The following B4GALT5 variants were observed in gnomAD, a reference collection of about 807,000 sequenced individuals.
B4GALT5 encodes UDP-Gal:beta-GlcNAc beta-1,4-galactosyltransferase 5.
A neutral mutation model predicts 45.0 loss-of-function variants in B4GALT5; 11 were observed. That is an observed-to-expected ratio of 0.24 (90% CI 0.15 to 0.40). The LOEUF (loss-of-function observed/expected upper bound fraction) is 0.40, where lower values mean the gene tolerates loss of function less well. Among genes scored for constraint, B4GALT5 ranks in the 10% least tolerant of loss-of-function variants. B4GALT5 has a pLI of 1.00. For synonymous variants in B4GALT5, 185 were observed against 182.9 expected, an observed-to-expected ratio of 1.01 and a Z score of -0.09; for missense variants, 337 against 500.2, an observed-to-expected ratio of 0.67 and a Z score of 3.11.
Position 49,640,560 on chromosome 20 carries a change from T to C in B4GALT5, c.712A>G (p.Ile238Val), listed in dbSNP as rs2085572634. The change falls in exon 6 of 9, where the codon ATA becomes GTA. Residue 238 changes from isoleucine to valine, a missense_variant. This residue lies in a region of B4GALT5 where 163 missense variants were observed against 292.8 expected (regional missense o/e 0.56). Coordinates refer to ENST00000371711, the MANE Select transcript of B4GALT5 (RefSeq NM_004776.4). ...TAATAGTTGCGATCACTTTCCGGTA[T>C]GTGATCTACATCATGAAAAATCAAA... ...DCLIFHDVDH[I>V]PESDRNYYGC... is the part of the protein sequence containing the mutation. 2 of 1,613,994 alleles carry C rather than the reference T, an allele frequency of 1.2e-6. No homozygotes were observed. Among genetic ancestry groups the C allele is most frequent in the Non-Finnish European group, 1.7e-6 (2 of 1,179,976 alleles).
chr20:49,642,790 T>C (rs2085582457), intron 4 of B4GALT5, among the ~76,000 whole-genome samples: 1 of 152,224 alleles, frequency 6.6e-6, no homozygotes, highest in Admixed American at 6.5e-5. Context: ...CCATATCTTA[T>C]AGTACATAGT....
chr20:49,649,564 A>G (rs919815531), intron 2 of B4GALT5, among the ~76,000 whole-genome samples: 1 of 152,112 alleles, frequency 6.6e-6, no homozygotes, highest in Non-Finnish European at 1.5e-5. Context: ...TGGGTGACAG[A>G]ATGAGATCCT....
At chr20:49,650,566 G>GGCAGAGGT (rs969125556) in intron 2 of B4GALT5, among the ~76,000 whole-genome samples, 1 of 152,016 alleles carries the variant, frequency 6.6e-6, no homozygotes, top group Non-Finnish European at 1.5e-5. Flanking sequence ...GAACCCAGGA[G>GGCAGAGGT]GCAGAGGTTA....
chr20:49,693,517 C>A (rs2146355685), intron 1 of B4GALT5, among the ~76,000 whole-genome samples: 1 of 152,294 alleles, frequency 6.6e-6, no homozygotes, highest in Non-Finnish European at 1.5e-5. Context: ...TTGTCCTAAA[C>A]AACACAACAC....
At chr20:49,653,935 C>T (rs983010974) in intron 2 of B4GALT5, among the ~76,000 whole-genome samples, 2 of 152,190 alleles carry the variant, frequency 1.3e-5, no homozygotes, top group African/African-American at 2.4e-5. Context: ...CAGGAAGTAG[C>T]GCAATCCTGT....
chr20:49,710,924 GT>G (rs1568738244), intron 1 of B4GALT5, among the ~76,000 whole-genome samples: 1 of 151,848 alleles, frequency 6.6e-6, no homozygotes, highest in Admixed American at 6.6e-5. Context: ...ACAAAAAACT[GT>G]TTTAAAAGTT....
At chr20:49,665,290 G>A (rs985003635) in intron 1 of B4GALT5, among the ~76,000 whole-genome samples, 4 of 151,064 alleles carry the variant, frequency 2.6e-5, no homozygotes, top group Admixed American at 6.6e-5. Flanking sequence ...GCATGATGGC[G>A]TACTCCCAAG....
chr20:49,647,463 C>T (rs574500942), intron 2 of B4GALT5, among the ~76,000 whole-genome samples: 1 of 152,180 alleles, frequency 6.6e-6, no homozygotes, highest in East Asian at 1.9e-4. Context: ...TCAGCCTCTA[C>T]GGCTGGTCGT....
intron 2 of B4GALT5, among the ~76,000 whole-genome samples, chr20:49,651,614 T>C (rs1404698894): frequency 6.6e-6 from 1 of 150,556 alleles, no homozygotes; most frequent in Non-Finnish European, 1.5e-5. Context: ...GATAGATAGA[T>C]AGAAAATGGG....
intron 1 of B4GALT5, among the ~76,000 whole-genome samples, chr20:49,671,462 TG>T (rs1179316247): frequency 2.0e-5 from 3 of 152,184 alleles, no homozygotes; most frequent in Admixed American, 2.0e-4. Context: ...ATGAAGCTAT[TG>T]ATTCAAGACG....
At position 49,634,656 on chromosome 20, in the gene B4GALT5, G is replaced by A. The variant is rs1380378991; in HGVS notation, c.*1656C>T. 2.0e-5 allele frequency: 3 copies of A among 152,228 alleles called. No individual in the cohort carries two copies. The highest frequency in any genetic ancestry group is 4.4e-5 in the Non-Finnish European group (3 of 68,116). The allele number at this position is 152,228 out of a possible 1,614,324, so 9.4% of individuals were successfully genotyped here. A position where few individuals can be genotyped will look rare whatever the true frequency, so the allele number is the denominator to read the frequency against. ...AGGTGGGCGGATTGCTTGAGTCCAGGAGTTCGAGACCAGCCTGGGCAACAT... is the reference window on the plus strand; with the variant it reads ...AGGTGGGCGGATTGCTTGAGTCCAGAAGTTCGAGACCAGCCTGGGCAACAT... On this transcript the variant is annotated 3_prime_UTR_variant, in exon 9 of 9. Coordinates refer to ENST00000371711, the MANE Select transcript of B4GALT5 (RefSeq NM_004776.4).
At position 49,636,229 on chromosome 20, in the gene B4GALT5, T is replaced by C. The variant is rs994582550; in HGVS notation, c.*83A>G. 5 of 1,518,616 alleles carry C rather than the reference T, an allele frequency of 3.3e-6. No homozygotes were observed. In the African/African-American group the frequency reaches 6.9e-5, roughly 21 times the overall value. The allele number at this position is 1,518,616 out of a possible 1,614,324, so 94.1% of individuals were successfully genotyped here. ...ACAGTATTTCTGTTCTCTTGCTGTG[T>C]AGACCCTCCCCCCTCCAAAAAAAAA... On this transcript the variant is annotated 3_prime_UTR_variant, in exon 9 of 9. Coordinates refer to ENST00000371711, the MANE Select transcript of B4GALT5 (RefSeq NM_004776.4).
intron 1 of B4GALT5, among the ~76,000 whole-genome samples, chr20:49,681,180 G>A (rs2085762397): frequency 7.6e-6 from 1 of 131,536 alleles, no homozygotes; most frequent in African/African-American, 3.0e-5. Context: ...CACACCACTG[G>A]ACTCCAGCCT....
At chr20:49,665,443 A>G (rs6125707) in intron 1 of B4GALT5, among the ~76,000 whole-genome samples, 402 of 23,414 alleles carry the variant, frequency 0.017, no homozygotes, top group Middle Eastern at 0.038. Flanking sequence ...GGTAGTAGTA[A>G]TAATAATAAT....
intron 1 of B4GALT5, among the ~76,000 whole-genome samples, chr20:49,706,621 C>A (rs929083873): frequency 5.3e-5 from 8 of 152,146 alleles, no homozygotes; most frequent in African/African-American, 1.9e-4. Flanking sequence ...AACTCGTGTG[C>A]AAAGGCAAGC....
chr20:49,707,008 G>C (rs2085887057), intron 1 of B4GALT5, among the ~76,000 whole-genome samples: 1 of 152,148 alleles, frequency 6.6e-6, no homozygotes, highest in Admixed American at 6.6e-5. Context: ...CCTTCCTGGT[G>C]ATTATTATAC....
At chr20:49,688,486 G>A (rs1334118147) in intron 1 of B4GALT5, among the ~76,000 whole-genome samples, 2 of 152,138 alleles carry the variant, frequency 1.3e-5, no homozygotes, top group Non-Finnish European at 2.9e-5. Flanking sequence ...GCTGTGGTCA[G>A]CTCAGACAAG....
rs1161081334 is a variant in B4GALT5 at position 49,632,952 on chromosome 20, C to T, written c.*3360G>A. Reference sequence around the variant, plus strand: ...GAGAAATGACCACCAAGGTTTGGTTCTTGAATATGTATTTTTTACTGAAAA... The same window carrying T: ...GAGAAATGACCACCAAGGTTTGGTTTTTGAATATGTATTTTTTACTGAAAA... On this transcript the variant is annotated 3_prime_UTR_variant, in exon 9 of 9. Coordinates refer to ENST00000371711, the MANE Select transcript of B4GALT5 (RefSeq NM_004776.4). 1 of 152,422 alleles carries T rather than the reference C, an allele frequency of 6.6e-6. No individual in the cohort carries two copies. The highest frequency in any genetic ancestry group is 1.5e-5 in the Non-Finnish European group (1 of 68,028). The allele number at this position is 152,422 out of a possible 1,614,324, so 9.4% of individuals were successfully genotyped here. A position where few individuals can be genotyped will look rare whatever the true frequency, so the allele number is the denominator to read the frequency against.
intron 1 of B4GALT5, among the ~76,000 whole-genome samples, chr20:49,683,360 C>G (rs2085771854): frequency 6.8e-6 from 1 of 146,854 alleles, no homozygotes; most frequent in Admixed American, 6.8e-5. Flanking sequence ...AGTATTAACT[C>G]TGGAGGAGGG....
Sources: allele counts gnomAD v4.1 joint callset (sites outside exome capture counted in the v4.1 genomes callset), GRCh38; gene constraint gnomAD v4.1.1; regional missense constraint gnomAD v4.1.1; transcripts MANE v1.5; gene names NCBI Gene and HGNC (gene_info 2026-07-23, HGNC 2026-07-21).